Variants in SLC46A2 observed in about 807,000 individuals in gnomAD.
SLC46A2 encodes solute carrier family 46 member 2, also known as thymic stromal co-transporter.
A neutral mutation model predicts 33.1 loss-of-function variants in SLC46A2; 25 were observed. That is an observed-to-expected ratio of 0.76 (90% confidence interval 0.55 to 1.06). The LOEUF (loss-of-function observed/expected upper bound fraction) is 1.06. Ranked by LOEUF, SLC46A2 falls within the 50% of genes least tolerant of loss-of-function variation. The pLI, the probability that SLC46A2 is intolerant of heterozygous loss-of-function variation, is 0.00. For missense variants in SLC46A2, 622 were observed against 621.7 expected (o/e 1.00, Z 0.00); for synonymous variants, 254 against 275.9 (o/e 0.92, Z 0.79).
intron 3 of SLC46A2, among the ~76,000 whole-genome samples, chr9:112,883,607 T>C (rs912682826): frequency 6.6e-6 from 1 of 151,934 alleles, no homozygotes. Context: ...AGAAGATGGA[T>C]GCAAATGAAC....
intron 3 of SLC46A2, among the ~76,000 whole-genome samples, chr9:112,883,378 T>C (rs1419441378): frequency 6.6e-6 from 1 of 152,162 alleles, no homozygotes; most frequent in African/African-American, 2.4e-5. Flanking sequence ...GGAAAGACAG[T>C]CTGGCTTCCT....
At position 112,879,615 on chromosome 9, in the gene SLC46A2, A is replaced by G. The variant is rs1427668365; in HGVS notation, c.*147T>C. The stretch of plus-strand genomic sequence containing the variant: ...CCCATCCACCAGGGATCCCTGAGCC[A>G]GAGCAGGTCATTCTGAGGCCAACTC... On this transcript the variant is annotated 3_prime_UTR_variant, in exon 4 of 4. Coordinates refer to ENST00000374228, the MANE Select transcript of SLC46A2 (RefSeq NM_033051.4). 23 of 664,212 alleles carry G rather than the reference A, an allele frequency of 3.5e-5. No homozygotes were observed. 41.1% of individuals were successfully genotyped at this position (664,212 alleles called of 1,614,324 possible).
At chr9:112,887,236 G>T in intron 2 of SLC46A2, 94 bp downstream of exon 2, 1 of 1,130,994 alleles carries the variant, frequency 8.8e-7, no homozygotes, top group Non-Finnish European at 1.3e-6. Context: ...TTCTGGAACT[G>T]TCTCAAGTGC....
chr9:112,885,440 G>GTATATATATATATGTGTATA (rs1554759747), intron 3 of SLC46A2: 3 of 147,498 alleles, frequency 2.0e-5, no homozygotes, highest in African/African-American at 7.5e-5. Flanking sequence ...ATATATATGT[G>GTATATATATATATGTGTATA]TATATATATA....
intron 3 of SLC46A2, 95 bp from the exon 4 acceptor site, chr9:112,879,914 G>T: frequency 8.2e-7 from 1 of 1,213,288 alleles, no homozygotes; most frequent in Non-Finnish European, 1.2e-6. Context: ...TACAAGCCAG[G>T]CTTTAGGCAA....
chr9:112,886,146 G>T (rs1841639761), intron 3 of SLC46A2, among the ~76,000 whole-genome samples: 1 of 152,166 alleles, frequency 6.6e-6, no homozygotes, highest in South Asian at 2.1e-4. Context: ...GGTTCATGAA[G>T]GTTTCCAATC....
intron 2 of SLC46A2, 126 bp downstream of exon 2, chr9:112,887,204 T>TC: frequency 1.2e-6 from 1 of 810,842 alleles, no homozygotes; most frequent in Non-Finnish European, 2.0e-6. Flanking sequence ...GAAACCAGTG[T>TC]TTCTAGTGTC....
intron 2 of SLC46A2, 64 bp from the exon 3 acceptor site, chr9:112,886,680 G>C: frequency 6.4e-7 from 1 of 1,567,560 alleles, no homozygotes; most frequent in Non-Finnish European, 8.7e-7. Flanking sequence ...CCCATTAGCT[G>C]AGTCTCTGGA....
At chr9:112,886,829 A>G (rs896919411) in intron 2 of SLC46A2, among the ~76,000 whole-genome samples, 1 of 152,032 alleles carries the variant, frequency 6.6e-6, no homozygotes, top group Admixed American at 6.5e-5. Flanking sequence ...GGCTCAGGCA[A>G]TCCTCCTGCC....
intron 1 of SLC46A2, 121 bp downstream of exon 1, chr9:112,889,432 C>A: frequency 2.0e-6 from 2 of 991,148 alleles, no homozygotes; most frequent in East Asian, 4.9e-5. Flanking sequence ...CTTGTGCCTC[C>A]TAGGTAGCAG....
intron 3 of SLC46A2, among the ~76,000 whole-genome samples, chr9:112,880,756 C>CCT (rs1841565983): frequency 6.6e-6 from 1 of 152,228 alleles, no homozygotes. Context: ...TCCTCTCCAT[C>CCT]CATTAGGCCA....
At chr9:112,889,477 C>G in intron 1 of SLC46A2, 76 bp downstream of exon 1, 1 of 1,494,424 alleles carries the variant, frequency 6.7e-7, no homozygotes, top group East Asian at 2.3e-5. Flanking sequence ...GACACCCAGA[C>G]CATGGCATCC....
intron 1 of SLC46A2, 49 bp downstream of exon 1, chr9:112,889,503 TG>T: frequency 6.5e-7 from 1 of 1,539,750 alleles, no homozygotes; most frequent in Non-Finnish European, 8.8e-7. Context: ...GTCAGCCCCA[TG>T]ATGCAGAGGG....
At chr9:112,883,071 C>T (rs761434041) in intron 3 of SLC46A2, among the ~76,000 whole-genome samples, 1 of 152,172 alleles carries the variant, frequency 6.6e-6, no homozygotes, top group African/African-American at 2.4e-5. Flanking sequence ...AGCAGGTCAA[C>T]GGATGCAGCT....
At chr9:112,888,218 A>C (rs1374924833) in intron 1 of SLC46A2, among the ~76,000 whole-genome samples, 1 of 152,174 alleles carries the variant, frequency 6.6e-6, no homozygotes, top group African/African-American at 2.4e-5. Flanking sequence ...TGGAAGTTGC[A>C]GTGAGCCGAG....
intron 1 of SLC46A2, 31 bp from the exon 2 acceptor site, chr9:112,887,444 C>A: frequency 1.9e-6 from 3 of 1,574,752 alleles, no homozygotes; most frequent in Non-Finnish European, 2.6e-6. Flanking sequence ...ACACTCCTTG[C>A]TGTAGCCCAG....
chr9:112,887,498 C>T, intron 1 of SLC46A2, 85 bp from the exon 2 acceptor site: 3 of 1,215,124 alleles, frequency 2.5e-6, no homozygotes, highest in Non-Finnish European at 3.4e-6. Context: ...CTTAGAACCC[C>T]CATCTCCCCA....
rs369303765 is a variant in SLC46A2, at chr9:112,887,411, G to T, written c.1132C>A (p.Arg378=). The change falls in exon 2 of 4, where the codon CGA becomes AGA. Residue 378 remains arginine, a splice_region_variant and synonymous_variant. Coordinates refer to ENST00000374228, the MANE Select transcript of SLC46A2 (RefSeq NM_033051.4). The part of the protein sequence containing the change: ...VKETYMFYIA[R]AVMLFALIPV... ...ATGAGAGCAAACAGCATGACGGCTC[G>T]AGCTGAAAGAGATCACACAAGAACA... The T allele has an allele frequency of 7.5e-6, 12 of 1,605,906 alleles. No homozygotes were observed. The highest frequency in any genetic ancestry group is 9.3e-6 in the Non-Finnish European group (11 of 1,176,874).
At chr9:112,886,331 C>G (rs1841641889) in intron 3 of SLC46A2, 129 bp downstream of exon 3, 1 of 934,792 alleles carries the variant, frequency 1.1e-6, no homozygotes, top group Admixed American at 2.5e-5. Flanking sequence ...GTGAGAGAGC[C>G]TACTCAGGAC....
Sources: gnomAD v4.1 joint callset for allele counts (sites outside exome capture counted in the v4.1 genomes callset) on GRCh38, gnomAD v4.1.1 for gene constraint, MANE v1.5 for transcripts, NCBI Gene and HGNC (gene_info 2026-07-23, HGNC 2026-07-21) for gene names.